The following GABRB1 variants were observed in gnomAD, a reference collection of about 807,000 sequenced individuals.
GABRB1 encodes the protein gamma-aminobutyric acid type A receptor subunit beta1, also known as gamma-aminobutyric acid receptor subunit beta-1.
GABRB1 carries 17 observed loss-of-function variants against 51.6 expected under a neutral mutation model. The observed-to-expected ratio is 0.33, with a 90% CI of 0.23 to 0.49. The LOEUF (loss-of-function observed/expected upper bound fraction) is 0.49, where lower values mean the gene tolerates loss of function less well. Ranked by LOEUF, GABRB1 falls within the 20% of genes least tolerant of loss-of-function variation. The pLI is 0.99. For synonymous variants in GABRB1, 247 were observed against 218.9 expected (o/e 1.13, Z -1.14); for missense variants, 410 against 600.6 (o/e 0.68, Z 3.32).
intron 1 of GABRB1, among the ~76,000 whole-genome samples, chr4:47,011,092 G>C (rs3934675): frequency 4.6e-5 from 7 of 152,010 alleles, no homozygotes; most frequent in Non-Finnish European, 1.0e-4. Context: ...GAAAGCATTA[G>C]ACTAGTTGCA....
chr4:47,181,321 T>A (rs1296030670), intron 4 of GABRB1, among the ~76,000 whole-genome samples: 1 of 152,078 alleles, frequency 6.6e-6, no homozygotes, highest in Non-Finnish European at 1.5e-5. Flanking sequence ...TCATTTGAAC[T>A]TTTATTTTAA....
chr4:47,245,467 G>C (rs558366576), intron 4 of GABRB1, among the ~76,000 whole-genome samples: 2 of 152,206 alleles, frequency 1.3e-5, no homozygotes, highest in African/African-American at 4.8e-5. Flanking sequence ...CCCTGGAAAA[G>C]ATTTTAGGGA....
chr4:47,369,128 TA>T (rs1353801808), intron 5 of GABRB1, among the ~76,000 whole-genome samples: 1 of 151,358 alleles, frequency 6.6e-6, no homozygotes, highest in African/African-American at 2.4e-5. Context: ...AATTTTTTTT[TA>T]AAGTTGCTCT....
At chr4:47,043,360 T>C (rs4317179) in intron 3 of GABRB1, 133,328 of 151,970 alleles carry the variant, frequency 0.88, 58,679 homozygotes, top group South Asian at 0.92. Context: ...ACGTAAACAT[T>C]GCTACGTAAA....
Position 47,067,051 on chromosome 4 carries a change from C to A in GABRB1, c.240+34567C>A, listed in dbSNP as rs1727119178. 3.9e-5 allele frequency among the ~76,000 whole-genome samples: 6 copies of A among 152,332 alleles called. No individual in the cohort carries two copies. The East Asian group carries it at 1.2e-3, about 29-fold the overall frequency. On this transcript the variant is annotated intron_variant, in intron 3 of 8. Coordinates refer to ENST00000295454, the MANE Select transcript of GABRB1 (RefSeq NM_000812.4). ...GTGTTAGAGGGCTGGAAAACAGCAT[C>A]AGTTTCCTCTTACATCTCCATCAGA...
chr4:47,045,476 ATCATCATC>A (rs759134157), intron 3 of GABRB1, among the ~76,000 whole-genome samples: 1 of 151,098 alleles, frequency 6.6e-6, no homozygotes, highest in African/African-American at 2.4e-5. Flanking sequence ...CATCATCATC[ATCATCATC>A]ATCAGTCCAT....
chr4:47,278,490 A>C (rs1023820922), intron 4 of GABRB1, among the ~76,000 whole-genome samples: 1 of 152,184 alleles, frequency 6.6e-6, no homozygotes, highest in Non-Finnish European at 1.5e-5. Context: ...TCAGAACTCC[A>C]CTTGTTCCTA....
chr4:47,211,067 G>A (rs566757028), intron 4 of GABRB1, among the ~76,000 whole-genome samples: 1 of 152,282 alleles, frequency 6.6e-6, no homozygotes, highest in African/African-American at 2.4e-5. Context: ...TTAAAGCATT[G>A]ATTAACCAGC....
chr4:47,189,697 G>A (rs547984202), intron 4 of GABRB1, among the ~76,000 whole-genome samples: 4 of 151,874 alleles, frequency 2.6e-5, no homozygotes, highest in African/African-American at 7.2e-5. Context: ...CATTTTTATC[G>A]ACATGTTCAG....
intron 5 of GABRB1, among the ~76,000 whole-genome samples, chr4:47,350,615 A>G (rs936617452): frequency 1.3e-5 from 2 of 152,148 alleles, no homozygotes; most frequent in Non-Finnish European, 2.9e-5. Flanking sequence ...ATAATATTAT[A>G]TCAAGATAGA....
At chr4:47,268,040 C>T (rs1328975679) in intron 4 of GABRB1, among the ~76,000 whole-genome samples, 1 of 152,058 alleles carries the variant, frequency 6.6e-6, no homozygotes, top group Non-Finnish European at 1.5e-5. Context: ...AAGAATGGCA[C>T]TTGACTTGTC....
chr4:47,154,150 T>C (rs1477278938), intron 3 of GABRB1, among the ~76,000 whole-genome samples: 1 of 151,976 alleles, frequency 6.6e-6, no homozygotes, highest in African/African-American at 2.4e-5. Flanking sequence ...AGACAGAAGG[T>C]TCTATTAGAA....
At chr4:47,159,647 T>G (rs2109734475) in intron 3 of GABRB1, among the ~76,000 whole-genome samples, 1 of 152,186 alleles carries the variant, frequency 6.6e-6, no homozygotes, top group East Asian at 1.9e-4. Context: ...TGCAAGGTGG[T>G]TTCTGAGTAA....
chr4:47,351,397 A>C (rs185428703), intron 5 of GABRB1, among the ~76,000 whole-genome samples: 67 of 152,194 alleles, frequency 4.4e-4, no homozygotes, highest in Admixed American at 1.6e-3. Flanking sequence ...ATTTCACCAT[A>C]GAATTTTGGT....
At chr4:47,247,914 G>A (rs1191827671) in intron 4 of GABRB1, among the ~76,000 whole-genome samples, 2 of 151,952 alleles carry the variant, frequency 1.3e-5, no homozygotes, top group African/African-American at 4.8e-5. Context: ...CTTTCTGGAG[G>A]AGTCTTTAGG....
chr4:47,317,844 T>TGA (rs892113745), intron 4 of GABRB1, among the ~76,000 whole-genome samples: 1 of 151,838 alleles, frequency 6.6e-6, no homozygotes, highest in African/African-American at 2.4e-5. Flanking sequence ...AAAAATACTC[T>TGA]GATATATATA....
At chr4:47,181,498 C>T (rs1680667008) in intron 4 of GABRB1, among the ~76,000 whole-genome samples, 1 of 152,000 alleles carries the variant, frequency 6.6e-6, no homozygotes, top group Admixed American at 6.6e-5. Context: ...AGAATGTAGA[C>T]ACTGGAGTTG....
chr4:47,376,431 G>A (rs946648469), intron 5 of GABRB1, among the ~76,000 whole-genome samples: 5 of 152,324 alleles, frequency 3.3e-5, no homozygotes, highest in Admixed American at 2.6e-4. Context: ...CGGATCACGA[G>A]ATCAGGAGAT....
intron 5 of GABRB1, among the ~76,000 whole-genome samples, chr4:47,391,035 G>T (rs1289113853): frequency 6.6e-6 from 1 of 152,116 alleles, no homozygotes; most frequent in African/African-American, 2.4e-5. Flanking sequence ...AATTAGCAGG[G>T]TGTGGTGGCA....
Sources: allele counts gnomAD v4.1 joint callset (sites outside exome capture counted in the v4.1 genomes callset), GRCh38; gene constraint gnomAD v4.1.1; transcripts MANE v1.5; gene names NCBI Gene and HGNC (gene_info 2026-07-23, HGNC 2026-07-21).